Variants in OSBPL2 observed in about 807,000 individuals in gnomAD.
OSBPL2 encodes oxysterol binding protein like 2.
A neutral mutation model predicts 58.4 loss-of-function variants in OSBPL2; 18 were observed. The ratio of observed to expected loss-of-function variants is 0.31; its 90% CI spans 0.21 to 0.46. OSBPL2 has a LOEUF of 0.46. Ranked by LOEUF, OSBPL2 falls within the 20% of genes least tolerant of loss-of-function variation. OSBPL2 has a pLI of 1.00. For missense variants in OSBPL2, 461 were observed against 616.5 expected (o/e 0.75, Z 2.67); for synonymous variants, 221 against 234.1 (o/e 0.94, Z 0.51).
chr20:62,292,706 T>C (rs184901996), intron 13 of OSBPL2, among the ~76,000 whole-genome samples: 65 of 152,316 alleles, frequency 4.3e-4, no homozygotes, highest in African/African-American at 1.5e-3. Context: ...GTAGGATTCG[T>C]TCTCAAGGCC....
intron 12 of OSBPL2, 62 bp downstream of exon 12, chr20:62,289,392 A>G: frequency 6.4e-7 from 1 of 1,563,346 alleles, no homozygotes; most frequent in South Asian, 1.2e-5. Context: ...AGGGTGGGAG[A>G]GCACAAAGCA....
At chr20:62,286,921 G>A (rs1422079488) in intron 11 of OSBPL2, among the ~76,000 whole-genome samples, 1 of 152,240 alleles carries the variant, frequency 6.6e-6, no homozygotes, top group East Asian at 1.9e-4. Flanking sequence ...TCTGCCTTGG[G>A]GCCTGCTGTT....
intron 6 of OSBPL2, among the ~76,000 whole-genome samples, chr20:62,277,671 T>C (rs1281016577): frequency 6.6e-6 from 1 of 152,280 alleles, no homozygotes; most frequent in Non-Finnish European, 1.5e-5. Context: ...ATTACATACC[T>C]TGGTAGTCAA....
intron 1 of OSBPL2, among the ~76,000 whole-genome samples, chr20:62,251,086 C>A (rs1335173200): frequency 7.0e-6 from 1 of 142,402 alleles, no homozygotes; most frequent in Admixed American, 7.2e-5. Flanking sequence ...CTCTGTTGCC[C>A]AGGCTGGAGT....
At chr20:62,261,636 A>G (rs1023532941) in intron 3 of OSBPL2, among the ~76,000 whole-genome samples, 8 of 152,026 alleles carry the variant, frequency 5.3e-5, no homozygotes, top group African/African-American at 1.9e-4. Context: ...GTCGCTTTAA[A>G]TGCTGTTAGG....
At chr20:62,273,757 A>G (rs1982219177) in intron 6 of OSBPL2, among the ~76,000 whole-genome samples, 1 of 152,232 alleles carries the variant, frequency 6.6e-6, no homozygotes, top group Non-Finnish European at 1.5e-5. Flanking sequence ...AATAGGTACT[A>G]ATGAGCAAAA....
chr20:62,272,280 G>A (rs1601180986), intron 5 of OSBPL2, 21 bp downstream of exon 5: 8 of 1,609,934 alleles, frequency 5.0e-6, no homozygotes, highest in Non-Finnish European at 6.8e-6. Context: ...GGGGTGCCAG[G>A]CAGGAGTTTG....
At chr20:62,264,391 T>C (rs1317648947) in intron 4 of OSBPL2, among the ~76,000 whole-genome samples, 1 of 152,196 alleles carries the variant, frequency 6.6e-6, no homozygotes, top group South Asian at 2.1e-4. Flanking sequence ...CTTTCCTGAC[T>C]GTGAGAACCC....
At chr20:62,285,309 A>C (rs1983044533) in intron 10 of OSBPL2, 1 of 152,246 alleles carries the variant, frequency 6.6e-6, no homozygotes, top group South Asian at 2.1e-4. Context: ...GGTGACCTAG[A>C]AACGGGAGTT....
At chr20:62,241,005 A>T (rs545041047) in intron 1 of OSBPL2, among the ~76,000 whole-genome samples, 74 of 152,198 alleles carry the variant, frequency 4.9e-4, no homozygotes, top group African/African-American at 1.8e-3. Context: ...TAGAGTACAC[A>T]CGTAGGACAT....
chr20:62,272,010 C>A, intron 4 of OSBPL2, 115 bp from the exon 5 acceptor site: 1 of 1,285,934 alleles, frequency 7.8e-7, no homozygotes. Flanking sequence ...TTTGAAGATC[C>A]GGTTCAACCC....
intron 1 of OSBPL2, among the ~76,000 whole-genome samples, chr20:62,249,253 A>G (rs1427454911): frequency 6.6e-6 from 1 of 152,218 alleles, no homozygotes; most frequent in Non-Finnish European, 1.5e-5. Flanking sequence ...GAGAAGGACA[A>G]AGGGCAAGAG....
chr20:62,279,344 G>T lies in OSBPL2; in HGVS notation c.674+5G>T. On this transcript the variant is annotated splice_donor_5th_base_variant and intron_variant, in intron 7 of 13. Coordinates refer to ENST00000313733, the MANE Select transcript of OSBPL2 (RefSeq NM_144498.4). ...CATCACCCTGGAGCTGCTCAAGTGA[G>T]TGTCGGTGCGTCCTGCTGAGATCCG... The T allele has an allele frequency of 6.2e-7, 1 of 1,613,960 alleles. No homozygotes were observed. Among genetic ancestry groups the T allele is most frequent in the Non-Finnish European group, 8.5e-7 (1 of 1,179,880 alleles).
At chr20:62,281,229 G>T in intron 8 of OSBPL2, 64 bp downstream of exon 8, 1 of 1,202,336 alleles carries the variant, frequency 8.3e-7, no homozygotes, top group Non-Finnish European at 1.2e-6. Context: ...GAGCCGGGGA[G>T]CGTGAGCATC....
At chr20:62,271,846 G>C (rs1982081507) in intron 4 of OSBPL2, 1 of 377,422 alleles carries the variant, frequency 2.6e-6, no homozygotes, top group Non-Finnish European at 4.8e-6. Context: ...CTCTGTGTCT[G>C]GAATGGGGCG....
Position 62,256,107 on chromosome 20 carries a change from A to G in OSBPL2, c.-78A>G. 1 of 1,513,798 alleles carries G rather than the reference A, an allele frequency of 6.6e-7. No homozygotes were observed. The highest frequency in any genetic ancestry group is 9.1e-7 in the Non-Finnish European group (1 of 1,101,540). 93.8% of individuals were successfully genotyped at this position (1,513,798 alleles called of 1,614,324 possible). ...CAAGAGAAAGTTTGTAAAATTCCTT[A>G]CACTGTAGATGTGGATCAGATACGA... is the stretch of plus-strand genomic sequence containing the variant. On this transcript the variant is annotated 5_prime_UTR_variant, in exon 2 of 14. Transcript: ENST00000313733.
rs1466391499 is a variant in OSBPL2, at chr20:62,256,174, G to T, written c.-11G>T. 3.1e-6 allele frequency: 5 copies of T among 1,613,712 alleles called. No homozygotes were observed. The highest frequency in any genetic ancestry group is 4.2e-6 in the Non-Finnish European group (5 of 1,179,832). On this transcript the variant is annotated 5_prime_UTR_variant, in exon 2 of 14. Coordinates refer to ENST00000313733, the MANE Select transcript of OSBPL2 (RefSeq NM_144498.4). The stretch of plus-strand genomic sequence containing the variant: ...CACATGTCAGGGGCAGTGGAGGCTG[G>T]CTGCTGAAGGATGAACGGAGAGGAA...
At position 62,293,707 on chromosome 20, in the gene OSBPL2, C is replaced by T. The variant is rs942549548; in HGVS notation, c.1341-78C>T. ...GTGATGGTGCTGAGTTGGGGGAACACACTCCTGCACCCAGAACAGGGCTGC... is the reference window on the plus strand; with the variant it reads ...GTGATGGTGCTGAGTTGGGGGAACATACTCCTGCACCCAGAACAGGGCTGC... On this transcript the variant is annotated intron_variant, in intron 13 of 13. Transcript: ENST00000313733. The T allele has an allele frequency of 5.4e-6, 7 of 1,286,004 alleles. No individual in the cohort carries two copies. The African/African-American group carries it at 1.1e-4, about 20-fold the overall frequency. 79.7% of individuals were successfully genotyped at this position (1,286,004 alleles called of 1,614,324 possible). A position where few individuals can be genotyped will look rare whatever the true frequency, so the allele number is the denominator to read the frequency against.
chr20:62,268,027 C>T (rs1285385790), intron 4 of OSBPL2, among the ~76,000 whole-genome samples: 9 of 150,960 alleles, frequency 6.0e-5, no homozygotes, highest in African/African-American at 2.0e-4. Context: ...GGACTACAGG[C>T]GCCTGCCACC....
Sources: allele counts gnomAD v4.1 joint callset (sites outside exome capture counted in the v4.1 genomes callset), GRCh38; gene constraint gnomAD v4.1.1; transcripts MANE v1.5; gene names NCBI Gene and HGNC (gene_info 2026-07-23, HGNC 2026-07-21).